NOMO2: variants seen among roughly 807,000 people sequenced by gnomAD.
NOMO2 encodes BOS complex subunit NOMO2.
In NOMO2, 14 loss-of-function variants were observed where a neutral mutation model predicts 67.1. That is an observed-to-expected ratio of 0.21 (90% CI 0.14 to 0.33). The LOEUF (loss-of-function observed/expected upper bound fraction) is 0.33, where lower values mean the gene tolerates loss of function less well. Among genes scored for constraint, NOMO2 ranks in the 10% least tolerant of loss-of-function variants. NOMO2 has a pLI of 1.00. For missense variants in NOMO2, 178 were observed against 761.0 expected, an observed-to-expected ratio of 0.23 and a Z score of 9.01; for synonymous variants, 80 against 305.9, an observed-to-expected ratio of 0.26 and a Z score of 7.71.
At chr16:18,537,839 T>TA (rs2141730594) in intron 11 of NOMO2, among the ~76,000 whole-genome samples, 1 of 7,454 alleles carries the variant, frequency 1.3e-4, no homozygotes, top group African/African-American at 3.7e-4. Flanking sequence ...TGCCTGTACT[T>TA]ATAGTATAAT....
chr16:18,539,633 T>G (rs1199987287), intron 9 of NOMO2, among the ~76,000 whole-genome samples: 1 of 151,838 alleles, frequency 6.6e-6, no homozygotes, highest in Non-Finnish European at 1.5e-5. Context: ...GGCAGGCGCC[T>G]GTAATCCCAG....
Position 18,538,528 on chromosome 16 carries a change from T to A in NOMO2, c.1218A>T (p.Thr406=). The change falls in exon 11 of 31, where the codon ACA becomes ACT. Residue 406 remains threonine (T), a splice_region_variant and synonymous_variant. Transcript: ENST00000622306. The stretch of plus-strand genomic sequence containing the variant: ...CCAAATCCACACGATAAGCTTACCC[T>A]GTTGCAACAATGTCAGCCAGCTGAG... ...NTPQLADIVA[T]GFSVCGRISI... is the part of the protein sequence containing the mutation. 1 of 1,613,610 alleles carries A rather than the reference T, an allele frequency of 6.2e-7. No homozygotes were observed. The highest frequency in any genetic ancestry group is 8.5e-7 in the Non-Finnish European group (1 of 1,179,770).
intron 1 of NOMO2, among the ~76,000 whole-genome samples, chr16:18,561,173 TA>T (rs756246897): frequency 0.019 from 629 of 32,382 alleles, no homozygotes; most frequent in Non-Finnish European, 0.022. Flanking sequence ...ACAACTTAAT[TA>T]AAAAAAAAAA....
At chr16:18,525,302 T>C (rs550631699) in intron 16 of NOMO2, among the ~76,000 whole-genome samples, 135 of 149,532 alleles carry the variant, frequency 9.0e-4, no homozygotes, top group African/African-American at 3.3e-3. Flanking sequence ...CACCTCTTCC[T>C]GGCCAGGTAT....
intron 1 of NOMO2, among the ~76,000 whole-genome samples, chr16:18,558,307 G>A (rs1185780783): frequency 8.0e-6 from 1 of 124,234 alleles, no homozygotes; most frequent in East Asian, 2.2e-4. Flanking sequence ...GCAGGCACCG[G>A]TAGTCCCAGG....
At chr16:18,560,810 A>G (rs993942619) in intron 1 of NOMO2, among the ~76,000 whole-genome samples, 17 of 151,772 alleles carry the variant, frequency 1.1e-4, no homozygotes, top group African/African-American at 2.9e-4. Flanking sequence ...AATCCTCAGC[A>G]GCCCGCTTTG....
rs781101824 is a variant in NOMO2, at chr16:18,562,002, C to T, written c.39G>A (p.Ala13=). 1.9e-6 allele frequency: 3 copies of T among 1,552,954 alleles called. No homozygotes were observed. Among genetic ancestry groups the T allele is most frequent in the Non-Finnish European group, 2.6e-6 (3 of 1,150,578 alleles). Residue 13 remains alanine (A), a synonymous_variant, in exon 1 of 31, where the codon GCG becomes GCA. Coordinates refer to ENST00000622306, the MANE Select transcript of NOMO2 (RefSeq NM_173614.4). ...VGQGAGLLGP[A]VVTAAVVLLL... Reference sequence around the variant, plus strand: ...GCAGCACCACCGCGGCGGTGACCACCGCGGGCCCCAGCAGCCCCGCGCCCT... The same window carrying T: ...GCAGCACCACCGCGGCGGTGACCACTGCGGGCCCCAGCAGCCCCGCGCCCT...
chr16:18,558,711 A>G lies in NOMO2; in HGVS notation c.166-920T>C, dbSNP rs541327628. 1,492 of 390,840 alleles carry G rather than the reference A, an allele frequency of 3.8e-3. 12 individuals carry two copies. Among genetic ancestry groups the G allele is most frequent in the Non-Finnish European group, 4.6e-3 (865 of 187,232 alleles). 24.2% of individuals were successfully genotyped at this position (390,840 alleles called of 1,614,324 possible). ...ATTACCAGACACGAAGTGTTAACCC[A>G]GTAAGATGCCCAAATGCCATCTGAG... On this transcript the variant is annotated intron_variant, in intron 1 of 30. Coordinates refer to ENST00000622306, the MANE Select transcript of NOMO2 (RefSeq NM_173614.4).
rs751898681 is a variant in NOMO2 at position 18,531,583 on chromosome 16, T to C, written c.1420A>G (p.Arg474Gly). ...VQVMVPEAET[R>G]AGLTLKPQTF... The stretch of plus-strand genomic sequence containing the variant: ...TGGGGTTTCAACGTCAGCCCTGCTC[T>C]GGTTTCTGCCTCAGGAACCATCACC... The change falls in exon 13 of 31, where the codon AGA (arginine) becomes GGA (glycine). Residue 474 changes from arginine to glycine, a missense_variant. Transcript: ENST00000622306. The C allele has an allele frequency of 1.4e-5, 22 of 1,612,340 alleles. No homozygotes were observed. Among genetic ancestry groups the C allele is most frequent in the Non-Finnish European group, 1.8e-5 (21 of 1,179,538 alleles).
intron 15 of NOMO2, among the ~76,000 whole-genome samples, chr16:18,529,022 T>TCAG (rs1162747123): frequency 2.3e-5 from 1 of 44,044 alleles, no homozygotes; most frequent in African/African-American, 9.0e-5. Context: ...TATATATATA[T>TCAG]ATATATATAT....
chr16:18,533,077 A>C lies in NOMO2; in HGVS notation c.1323T>G (p.Ser441=). ...VVLSSQDKDK[S]LVTVETDAHG... is the part of the protein sequence containing the mutation. ...GAGCATCTGTCTCCACGGTGACCAA[A>C]GACTTGTCCTTGTCTTGAGATGACA... Residue 441 remains serine (S), a synonymous_variant, in exon 12 of 31, where the codon TCT becomes TCG. Coordinates refer to ENST00000622306, the MANE Select transcript of NOMO2 (RefSeq NM_173614.4). The C allele has an allele frequency of 6.2e-7, 1 of 1,607,088 alleles. No homozygotes were observed. The highest frequency in any genetic ancestry group is 8.5e-7 in the Non-Finnish European group (1 of 1,179,012).
chr16:18,539,868 C>A (rs1178868135), intron 9 of NOMO2, among the ~76,000 whole-genome samples: 9 of 152,154 alleles, frequency 5.9e-5, no homozygotes, highest in Non-Finnish European at 1.3e-4. Flanking sequence ...TGCCTGTGAG[C>A]AGCACACCTG....
chr16:18,544,661 C>A (rs1235306203), intron 6 of NOMO2, among the ~76,000 whole-genome samples: 1 of 152,106 alleles, frequency 6.6e-6, no homozygotes, highest in African/African-American at 2.4e-5. Context: ...AACAGTGCCA[C>A]AGTCACTGTA....
At chr16:18,539,483 G>C (rs554156091) in intron 9 of NOMO2, among the ~76,000 whole-genome samples, 1 of 151,444 alleles carries the variant, frequency 6.6e-6, no homozygotes, top group Non-Finnish European at 1.5e-5. Context: ...TAGGCCAGGC[G>C]CAGTGGTTCA....
chr16:18,538,436 C>A, intron 11 of NOMO2, 90 bp downstream of exon 11: 1 of 1,494,458 alleles, frequency 6.7e-7, no homozygotes, highest in South Asian at 1.2e-5. Flanking sequence ...TTCTTAAGCT[C>A]GGCAAAGACA....
chr16:18,530,701 G>C (rs1901276179), intron 14 of NOMO2, among the ~76,000 whole-genome samples: 1 of 144,064 alleles, frequency 6.9e-6, no homozygotes, highest in Admixed American at 7.0e-5. Flanking sequence ...GCCATGGCCA[G>C]TACTCAGCAC....
At chr16:18,526,294 C>T (rs1049219912) in intron 16 of NOMO2, among the ~76,000 whole-genome samples, 3 of 152,068 alleles carry the variant, frequency 2.0e-5, no homozygotes, top group Admixed American at 6.6e-5. Context: ...GTGAAGAAAC[C>T]GGAACCCTCG....
chr16:18,530,562 TA>T (rs1316842030), intron 14 of NOMO2, among the ~76,000 whole-genome samples: 1 of 140,252 alleles, frequency 7.1e-6, no homozygotes, highest in Non-Finnish European at 1.6e-5. Flanking sequence ...GGGCACCAGC[TA>T]CTTAGCTGGC....
At chr16:18,544,649 G>A (rs887252680) in intron 6 of NOMO2, among the ~76,000 whole-genome samples, 4 of 152,110 alleles carry the variant, frequency 2.6e-5, no homozygotes, top group South Asian at 2.1e-4. Context: ...TTCCAATCAC[G>A]CAACAGTGCC....
Sources: allele counts gnomAD v4.1 joint callset (sites outside exome capture counted in the v4.1 genomes callset), GRCh38; gene constraint gnomAD v4.1.1; transcripts MANE v1.5; gene names NCBI Gene and HGNC (gene_info 2026-07-23, HGNC 2026-07-21).